GLDC: variants seen among roughly 807,000 people sequenced by gnomAD.
GLDC encodes glycine dehydrogenase (decarboxylating), mitochondrial.
Under a neutral mutation model 121.3 loss-of-function variants are expected in GLDC, and 104 were observed. The observed-to-expected ratio is 0.86, with a 90% confidence interval of 0.73 to 1.01. The LOEUF (loss-of-function observed/expected upper bound fraction) is 1.01, where lower values mean the gene tolerates loss of function less well. Ranked by LOEUF, GLDC falls within the 50% of genes least tolerant of loss-of-function variation. GLDC has a pLI of 0.00. For missense variants in GLDC, 1,429 were observed against 1,306.6 expected (o/e 1.09, Z -1.44); for synonymous variants, 546 against 480.6 (o/e 1.14, Z -1.78).
At chr9:6,624,530 A>AT (rs1480529676) in intron 2 of GLDC, among the ~76,000 whole-genome samples, 2 of 152,134 alleles carry the variant, frequency 1.3e-5, no homozygotes, top group African/African-American at 4.8e-5. Context: ...CAACATCTTG[A>AT]TTTCTGACTA....
chr9:6,543,195 A>G (rs1046514869), intron 21 of GLDC, among the ~76,000 whole-genome samples: 2 of 152,118 alleles, frequency 1.3e-5, no homozygotes, highest in East Asian at 3.8e-4. Flanking sequence ...GAATCGCTTG[A>G]TCCCAGGAGG....
chr9:6,554,512 A>G (rs574469796), intron 19 of GLDC, among the ~76,000 whole-genome samples, 157 bp downstream of exon 19: 110 of 152,326 alleles, frequency 7.2e-4, no homozygotes, highest in Non-Finnish European at 9.1e-4. Flanking sequence ...CCCTAAAAGC[A>G]CCCATTTTGC....
At chr9:6,583,984 G>A (rs187315337) in intron 15 of GLDC, among the ~76,000 whole-genome samples, 1 of 152,238 alleles carries the variant, frequency 6.6e-6, no homozygotes, top group African/African-American at 2.4e-5. Context: ...TATACTTAAT[G>A]CCTCTGAACT....
intron 1 of GLDC, 122 bp downstream of exon 1, chr9:6,645,123 G>C: frequency 2.0e-6 from 2 of 1,006,122 alleles, no homozygotes; most frequent in Non-Finnish European, 2.9e-6. Flanking sequence ...CACGGCCCGG[G>C]ACCCAGGGTG....
chr9:6,606,716 G>C, intron 4 of GLDC, 47 bp from the exon 5 acceptor site: 1 of 1,052,724 alleles, frequency 9.5e-7, no homozygotes, highest in Admixed American at 1.7e-5. Flanking sequence ...TAAATAAATA[G>C]GACTATCTTC....
At chr9:6,618,079 A>C (rs1344595683) in intron 3 of GLDC, among the ~76,000 whole-genome samples, 1 of 152,216 alleles carries the variant, frequency 6.6e-6, no homozygotes, top group Non-Finnish European at 1.5e-5. Context: ...ACTTTTAAAA[A>C]ATCACCTAGG....
intron 23 of GLDC, 24 bp from the exon 24 acceptor site, chr9:6,534,812 G>A (rs1038313831): frequency 1.5e-6 from 2 of 1,325,294 alleles, no homozygotes; most frequent in South Asian, 1.2e-5. Context: ...ACGGACAGAG[G>A]AGGGGTCAGA....
At chr9:6,560,414 C>G (rs942760900) in intron 16 of GLDC, among the ~76,000 whole-genome samples, 2 of 152,202 alleles carry the variant, frequency 1.3e-5, no homozygotes, top group Non-Finnish European at 2.9e-5. Context: ...GTTTGTGTCC[C>G]TTTAGAACGG....
At chr9:6,562,580 G>C (rs2129748902) in intron 16 of GLDC, among the ~76,000 whole-genome samples, 1 of 152,168 alleles carries the variant, frequency 6.6e-6, no homozygotes, top group Admixed American at 6.5e-5. Flanking sequence ...TTTTTTTTGA[G>C]AGGGAGTCTT....
chr9:6,540,177 T>C, intron 21 of GLDC, 31 bp from the exon 22 acceptor site: 1 of 1,281,646 alleles, frequency 7.8e-7, no homozygotes, highest in Non-Finnish European at 1.1e-6. Context: ...AGCCCAAGAT[T>C]AGCATCAGCT....
In GLDC at chr9:6,565,440, C is replaced by G; in HGVS notation, c.1851-11G>C. 1 of 1,608,382 alleles carries G rather than the reference C, an allele frequency of 6.2e-7. No individual in the cohort carries two copies. Among genetic ancestry groups the G allele is most frequent in the Non-Finnish European group, 8.5e-7 (1 of 1,174,732 alleles). Reference sequence around the variant, plus strand: ...TCTCCCTGGGCTCCGCTTGCAAAGACAAGAAGAAAGGGATCACGGTTAGGT... The same window carrying G: ...TCTCCCTGGGCTCCGCTTGCAAAGAGAAGAAGAAAGGGATCACGGTTAGGT... On this transcript the variant is annotated splice_polypyrimidine_tract_variant and intron_variant, in intron 15 of 24. Transcript: ENST00000321612.
intron 21 of GLDC, among the ~76,000 whole-genome samples, chr9:6,544,367 G>T (rs938487106): frequency 3.3e-5 from 5 of 152,130 alleles, no homozygotes; most frequent in South Asian, 2.1e-4. Flanking sequence ...GCAGGGACAG[G>T]TATTTGCAGG....
intron 23 of GLDC, among the ~76,000 whole-genome samples, chr9:6,535,470 G>A (rs1817106577): frequency 6.6e-6 from 1 of 151,838 alleles, no homozygotes; most frequent in Non-Finnish European, 1.5e-5. Flanking sequence ...CCCAGCTGCT[G>A]CAGTCATATC....
intron 2 of GLDC, among the ~76,000 whole-genome samples, chr9:6,622,341 G>C (rs1819119691): frequency 6.7e-6 from 1 of 149,720 alleles, no homozygotes; most frequent in East Asian, 2.0e-4. Flanking sequence ...CAACCTCCCT[G>C]CCTGATTCTC....
At chr9:6,611,354 G>A (rs569795474) in intron 3 of GLDC, among the ~76,000 whole-genome samples, 46 of 152,268 alleles carry the variant, frequency 3.0e-4, no homozygotes, top group African/African-American at 4.6e-4. Context: ...TCAGGAGATC[G>A]AGACCATCCT....
At chr9:6,609,444 C>G (rs1818804571) in intron 4 of GLDC, among the ~76,000 whole-genome samples, 1 of 152,112 alleles carries the variant, frequency 6.6e-6, no homozygotes, top group Non-Finnish European at 1.5e-5. Flanking sequence ...ACCACAGTGC[C>G]AGGACCTTTG....
chr9:6,622,456 C>G (rs1044995225), intron 2 of GLDC, among the ~76,000 whole-genome samples: 1 of 151,394 alleles, frequency 6.6e-6, no homozygotes, highest in African/African-American at 2.4e-5. Context: ...GTTGGCCGGG[C>G]TGGTCTCCAG....
In GLDC at chr9:6,619,583, C is replaced by T. The variant is rs139264196; in HGVS notation, c.470+601G>A. Among the ~76,000 whole-genome samples the T allele has an allele frequency of 6.1e-3, 923 of 152,122 alleles. 14 individuals are homozygous for T. Among genetic ancestry groups the T allele is most frequent in the African/African-American group, 0.021 (883 of 41,500 alleles). On this transcript the variant is annotated intron_variant, in intron 3 of 24. Coordinates refer to ENST00000321612, the MANE Select transcript of GLDC (RefSeq NM_000170.3). ...TCTCTACTAAAAATACAAAAATTAGCCGGGGGTGGTTGTGGGTGCCTGTAA... is the reference window on the plus strand; with the variant it reads ...TCTCTACTAAAAATACAAAAATTAGTCGGGGGTGGTTGTGGGTGCCTGTAA...
intron 2 of GLDC, among the ~76,000 whole-genome samples, chr9:6,636,834 A>G (rs1216188058): frequency 6.6e-6 from 1 of 152,172 alleles, no homozygotes; most frequent in Non-Finnish European, 1.5e-5. Context: ...CTGTAATCCC[A>G]GCACTTTGGG....
Sources: allele counts gnomAD v4.1 joint callset (sites outside exome capture counted in the v4.1 genomes callset), GRCh38; gene constraint gnomAD v4.1.1; transcripts MANE v1.5; gene names NCBI Gene and HGNC (gene_info 2026-07-23, HGNC 2026-07-21).